The following HIVEP3 variants were observed in gnomAD, a reference collection of about 807,000 sequenced individuals.
The protein encoded by HIVEP3 is HIVEP zinc finger 3.
A neutral mutation model predicts 152.8 loss-of-function variants in HIVEP3; 49 were observed. The ratio of observed to expected loss-of-function variants is 0.32; its 90% CI spans 0.26 to 0.41. HIVEP3 has a LOEUF of 0.41. Ranked by LOEUF, HIVEP3 falls within the 10% of genes least tolerant of loss-of-function variation. HIVEP3 has a pLI of 1.00. For synonymous variants in HIVEP3, 1,269 were observed against 1,289.0 expected (o/e 0.98, Z 0.33); for missense variants, 2,790 against 3,103.3 (o/e 0.90, Z 2.40).
At position 41,966,475 on chromosome 1, in the gene HIVEP3, C is replaced by CTTTTTTTTTTTTTTT. The variant is rs58470482; in HGVS notation, n.120-47966_120-47952dup. ...TCAAGACCCATCAGTGTGCTGTATT[C>CTTTTTTTTTTTTTTT]TTTTTTTTTTTTTTTTGAGATGGAG... is the stretch of plus-strand genomic sequence containing the variant. On this transcript the variant is annotated intron_variant and non_coding_transcript_variant, in intron 1 of 3. Coordinates refer to the HIVEP3 transcript ENST00000489103. Among the ~76,000 whole-genome samples, 851 of 95,736 alleles carry CTTTTTTTTTTTTTTT rather than the reference C, an allele frequency of 8.9e-3. 114 individuals are homozygous for CTTTTTTTTTTTTTTT. Among genetic ancestry groups the CTTTTTTTTTTTTTTT allele is most frequent in the East Asian group, 0.013 (31 of 2,366 alleles). 62.8% of individuals were successfully genotyped at this position (95,736 alleles called of 152,430 possible).
chr1:41,751,101 T>C (rs1300638874), intron 1 of HIVEP3, among the ~76,000 whole-genome samples: 1 of 152,098 alleles, frequency 6.6e-6, no homozygotes, highest in Admixed American at 6.6e-5. Flanking sequence ...GGCTCTACCA[T>C]GCAATGACCG....
At chr1:41,946,728 C>T (rs908967820) in intron 1 of HIVEP3, among the ~76,000 whole-genome samples, 4 of 152,050 alleles carry the variant, frequency 2.6e-5, no homozygotes, top group Non-Finnish European at 5.9e-5. Context: ...AAAGAATGCC[C>T]GTCCTGTTCA....
At chr1:41,759,095 C>T (rs537733054) in intron 1 of HIVEP3, among the ~76,000 whole-genome samples, 1 of 152,102 alleles carries the variant, frequency 6.6e-6, no homozygotes, top group East Asian at 1.9e-4. Flanking sequence ...AGCAGTAACT[C>T]CCCATTTCCC....
intron 5 of HIVEP3, among the ~76,000 whole-genome samples, chr1:41,541,682 C>G (rs1643535446): frequency 6.6e-6 from 1 of 152,324 alleles, no homozygotes; most frequent in East Asian, 1.9e-4. Flanking sequence ...CAGAGCTGGG[C>G]TTACCAGACA....
intron 1 of HIVEP3, among the ~76,000 whole-genome samples, chr1:41,904,828 C>T (rs891368368): frequency 3.9e-5 from 6 of 152,210 alleles, no homozygotes; most frequent in African/African-American, 1.4e-4. Context: ...TTGTTTCCAT[C>T]TCTGCCCTCA....
rs560456522 is a variant in HIVEP3 at position 42,027,192 on chromosome 1, A to G, written n.119+8615T>C. The stretch of plus-strand genomic sequence containing the variant: ...AATAATCTTGACTCCTCTCTCTCTC[A>G]CACACATAACCAACATCTAATACAT... On this transcript the variant is annotated intron_variant and non_coding_transcript_variant, in intron 1 of 3. Coordinates refer to the HIVEP3 transcript ENST00000489103. 2.6e-5 allele frequency among the ~76,000 whole-genome samples: 4 copies of G among 152,292 alleles called. No homozygotes were observed. The East Asian group carries it at 7.7e-4, about 29-fold the overall frequency.
intron 1 of HIVEP3, among the ~76,000 whole-genome samples, chr1:41,872,999 C>T (rs783425): frequency 0.78 from 119,395 of 152,192 alleles, 47,199 homozygotes; most frequent in East Asian, 1. Context: ...AAATGATCAA[C>T]TGATTTACTA....
intron 1 of HIVEP3, among the ~76,000 whole-genome samples, chr1:41,946,032 A>T (rs1394456052): frequency 6.6e-6 from 1 of 152,146 alleles, no homozygotes; most frequent in African/African-American, 2.4e-5. Flanking sequence ...AAACGGGATT[A>T]AAAAAAGGCC....
At chr1:41,913,113 G>A (rs2786485) in intron 1 of HIVEP3, among the ~76,000 whole-genome samples, 22,839 of 152,206 alleles carry the variant, frequency 0.15, 1,856 homozygotes, top group Admixed American at 0.24. Context: ...AAACTCTCTG[G>A]AGGTGAAAGA....
At chr1:41,563,701 G>A (rs890552059) in intron 5 of HIVEP3, among the ~76,000 whole-genome samples, 2 of 152,062 alleles carry the variant, frequency 1.3e-5, no homozygotes, top group Non-Finnish European at 2.9e-5. Flanking sequence ...TCTGAGAAAC[G>A]AGACCAAATA....
At chr1:41,647,392 A>G (rs1250141039) in intron 2 of HIVEP3, among the ~76,000 whole-genome samples, 1 of 152,220 alleles carries the variant, frequency 6.6e-6, no homozygotes, top group African/African-American at 2.4e-5. Flanking sequence ...TGCTTAGCAC[A>G]CATCACCATT....
Position 41,575,606 on chromosome 1 carries a change from C to T in HIVEP3, c.5145G>A (p.Pro1715=), listed in dbSNP as rs113592574. ...VEKEEERRGE[P]EEDAPASQRG... The stretch of plus-strand genomic sequence containing the variant: ...TCTGGGAGGCAGGAGCATCCTCCTC[C>T]GGCTCCCCTCTCCTCTCTTCTTCCT... The change falls in exon 5 of 9, where the codon CCG becomes CCA. Residue 1715 remains proline (P), a synonymous_variant. Transcript: ENST00000372583. The T allele has an allele frequency of 8.7e-5, 140 of 1,614,116 alleles. No individual in the cohort carries two copies. Among genetic ancestry groups the T allele is most frequent in the African/African-American group, 7.7e-4 (58 of 75,068 alleles).
intron 5 of HIVEP3, among the ~76,000 whole-genome samples, chr1:41,552,760 A>G (rs1469050816): frequency 6.6e-6 from 1 of 152,108 alleles, no homozygotes. Context: ...GTCAAATGGT[A>G]TTTCTAGTTC....
At chr1:41,592,825 T>G (rs1424165377) in intron 3 of HIVEP3, among the ~76,000 whole-genome samples, 1 of 152,214 alleles carries the variant, frequency 6.6e-6, no homozygotes, top group Non-Finnish European at 1.5e-5. Flanking sequence ...CTACCAGCAA[T>G]CAGGGGGTTC....
chr1:41,524,834 G>A lies in HIVEP3; in HGVS notation c.5284C>T (p.Arg1762Cys), dbSNP rs1642854300. Residue 1762 changes from arginine (R) to cysteine (C), a missense_variant, in exon 6 of 9, where the codon CGC becomes TGC. By Grantham distance (180) the Arg-to-Cys change is radical. This residue lies in a region of HIVEP3 where 57 missense variants were observed against 95.1 expected (regional missense o/e 0.60). Coordinates refer to ENST00000372583, the MANE Select transcript of HIVEP3 (RefSeq NM_024503.5). Reference sequence around the variant, plus strand: ...TTCAGCATGCTGGGCTTCTTGCAGCGAATTCCACACTCCTCACAAACATAT... The same window carrying A: ...TTCAGCATGCTGGGCTTCTTGCAGCAAATTCCACACTCCTCACAAACATAT... ...GKYVCEECGI[R>C]CKKPSMLKKH... The A allele has an allele frequency of 1.2e-6, 2 of 1,614,096 alleles. No individual in the cohort carries two copies. Among genetic ancestry groups the A allele is most frequent in the Non-Finnish European group, 1.7e-6 (2 of 1,179,982 alleles).
chr1:41,619,031 C>T (rs1367571077), intron 3 of HIVEP3, among the ~76,000 whole-genome samples: 15 of 151,972 alleles, frequency 9.9e-5, no homozygotes, highest in African/African-American at 3.4e-4. Context: ...TCCAGGGCAG[C>T]CTCCACAGCC....
rs1456011357 is a variant in HIVEP3, at chr1:41,583,505, C to T, written c.1293G>A (p.Met431Ile). The T allele has an allele frequency of 3.1e-6, 5 of 1,613,840 alleles. No homozygotes were observed. Among genetic ancestry groups the T allele is most frequent in the African/African-American group, 1.3e-5 (1 of 74,908 alleles). Residue 431 changes from methionine (M) to isoleucine (I), a missense_variant, in exon 4 of 9, where the codon ATG (methionine) becomes ATA (isoleucine). Transcript: ENST00000372583. The surrounding 1 kb of genome is among the most constrained non-coding windows in gnomAD (Gnocchi z 6.9). Reference protein sequence around the residue: ...KCGRIGQRTAMLTATSTQPLL... With the variant: ...KCGRIGQRTAILTATSTQPLL... Reference sequence around the variant, plus strand: ...GGGGCTGGGTGGAGGTGGCTGTCAGCATGGCGGTCCGCTGTCCTATTCGCC... The same window carrying T: ...GGGGCTGGGTGGAGGTGGCTGTCAGTATGGCGGTCCGCTGTCCTATTCGCC...
chr1:41,786,168 C>T (rs1003553748), intron 1 of HIVEP3, among the ~76,000 whole-genome samples: 1 of 152,174 alleles, frequency 6.6e-6, no homozygotes, highest in African/African-American at 2.4e-5. Flanking sequence ...TCACCTGGCC[C>T]CACATTGCCT....
rs147310017 is a variant in HIVEP3, at chr1:41,511,230, C to T, written c.6442G>A (p.Gly2148Ser). Residue 2148 changes from glycine to serine, a missense_variant, in exon 9 of 9, where the codon GGC becomes AGC. This residue lies in a region of HIVEP3 where 816 missense variants were observed against 806.5 expected (regional missense o/e 1.01). Transcript: ENST00000372583. The surrounding 1 kb of genome is among the most constrained non-coding windows in gnomAD (Gnocchi z 4.9). ...CGGGAGGAGAGAGGATGAGCAGGGCCGGGTGAGCAGGAGGGACTTCGGGAC... is the reference window on the plus strand; with the variant it reads ...CGGGAGGAGAGAGGATGAGCAGGGCTGGGTGAGCAGGAGGGACTTCGGGAC... ...AESRSPSCSP[G>S]PAHPLSSRPF... 41 of 1,612,234 alleles carry T rather than the reference C, an allele frequency of 2.5e-5. No homozygotes were observed. The highest frequency in any genetic ancestry group is 3.2e-5 in the Non-Finnish European group (38 of 1,179,168).
Sources: allele counts gnomAD v4.1 joint callset (sites outside exome capture counted in the v4.1 genomes callset), GRCh38; gene constraint gnomAD v4.1.1; regional missense constraint gnomAD v4.1.1; non-coding constraint Gnocchi (gnomAD v3.1); transcripts MANE v1.5; gene names NCBI Gene and HGNC (gene_info 2026-07-23, HGNC 2026-07-21).